ZFAT: variants seen among roughly 807,000 people sequenced by gnomAD.
ZFAT encodes the protein zinc finger and AT-hook domain containing, also known as zinc finger protein ZFAT.
ZFAT carries 64 observed loss-of-function variants against 117.7 expected under a neutral mutation model. The ratio of observed to expected loss-of-function variants is 0.54; its 90% CI spans 0.44 to 0.67. The LOEUF (loss-of-function observed/expected upper bound fraction) is 0.67, where lower values mean the gene tolerates loss of function less well. Among genes scored for constraint, ZFAT ranks in the 30% least tolerant of loss-of-function variants. The probability of loss-of-function intolerance (pLI) is 0.00; values close to 1 mark genes in which losing one functional copy is unlikely to be tolerated. For synonymous variants in ZFAT, 679 were observed against 615.0 expected (o/e 1.10, Z -1.54); for missense variants, 1,433 against 1,584.5 (o/e 0.90, Z 1.62).
chr8:134,771,274 G>A, the ZFAT span, among the ~76,000 whole-genome samples: 2 of 152,150 alleles, frequency 1.3e-5, no homozygotes, highest in Admixed American at 6.5e-5. Flanking sequence ...TCTCAATCTG[G>A]CTGATGCTTA....
the ZFAT span, among the ~76,000 whole-genome samples, chr8:134,740,627 A>T: frequency 2.0e-5 from 3 of 152,158 alleles, no homozygotes; most frequent in Non-Finnish European, 4.4e-5. Flanking sequence ...AGGATAGGTC[A>T]ACCTAGAGAA....
At chr8:134,507,959 G>A (rs1470643725) in intron 15 of ZFAT, among the ~76,000 whole-genome samples, 1 of 152,198 alleles carries the variant, frequency 6.6e-6, no homozygotes, top group Non-Finnish European at 1.5e-5. Context: ...ACAATCTGAA[G>A]ACTGCAATCT....
chr8:134,642,543 C>T (rs536135520), intron 2 of ZFAT, among the ~76,000 whole-genome samples: 3 of 152,304 alleles, frequency 2.0e-5, no homozygotes, highest in Non-Finnish European at 4.4e-5. Context: ...CTATTATCCT[C>T]CCACCTGGTC....
intron 8 of ZFAT, among the ~76,000 whole-genome samples, chr8:134,589,431 A>G (rs1826288712): frequency 6.6e-6 from 1 of 152,256 alleles, no homozygotes; most frequent in Admixed American, 6.5e-5. Context: ...AATACAAAAT[A>G]AAGAACAGGA....
chr8:134,552,773 AAAGT>A (rs1255515111), intron 11 of ZFAT, among the ~76,000 whole-genome samples: 6 of 152,256 alleles, frequency 3.9e-5, no homozygotes, highest in Non-Finnish European at 8.8e-5. Context: ...AAAAGCGTCT[AAAGT>A]AAGAAGGAAG....
the ZFAT span, among the ~76,000 whole-genome samples, chr8:134,770,949 C>A: frequency 3.3e-5 from 3 of 90,434 alleles, no homozygotes; most frequent in African/African-American, 1.7e-4. Flanking sequence ...GATCTCAAAA[C>A]CCTGTCTCCT....
At chr8:134,569,153 G>T (rs1268189918) in intron 10 of ZFAT, among the ~76,000 whole-genome samples, 1 of 152,158 alleles carries the variant, frequency 6.6e-6, no homozygotes, top group Non-Finnish European at 1.5e-5. Flanking sequence ...GGCATGACGT[G>T]TAAAATCTTA....
At chr8:134,484,408 G>C (rs1462864661) in intron 15 of ZFAT, among the ~76,000 whole-genome samples, 1 of 152,234 alleles carries the variant, frequency 6.6e-6, no homozygotes, top group Non-Finnish European at 1.5e-5. Context: ...ATGGACTCCA[G>C]GGCCAGCTGC....
intron 10 of ZFAT, among the ~76,000 whole-genome samples, chr8:134,576,822 T>A (rs1825345256): frequency 6.6e-6 from 1 of 152,224 alleles, no homozygotes; most frequent in Non-Finnish European, 1.5e-5. Flanking sequence ...TCCACTTGTC[T>A]ATTACAAGAG....
At chr8:134,707,692 C>G (rs1834188047) in intron 1 of ZFAT, among the ~76,000 whole-genome samples, 1 of 152,216 alleles carries the variant, frequency 6.6e-6, no homozygotes, top group Non-Finnish European at 1.5e-5. Flanking sequence ...TGGGATGCTG[C>G]CCCTTTCTTA....
chr8:134,518,139 A>G (rs1190170475), intron 13 of ZFAT, among the ~76,000 whole-genome samples: 1 of 152,176 alleles, frequency 6.6e-6, no homozygotes, highest in African/African-American at 2.4e-5. Flanking sequence ...GTATTCTAAT[A>G]GTAACTTTCT....
At chr8:134,549,419 C>T (rs369172905) in intron 11 of ZFAT, among the ~76,000 whole-genome samples, 1 of 139,634 alleles carries the variant, frequency 7.2e-6, no homozygotes, top group Non-Finnish European at 1.5e-5. Flanking sequence ...CCAGCCTGGG[C>T]GACAGAGCGA....
intron 2 of ZFAT, among the ~76,000 whole-genome samples, chr8:134,645,866 A>G (rs977940333): frequency 6.6e-6 from 1 of 152,206 alleles, no homozygotes; most frequent in African/African-American, 2.4e-5. Context: ...AAAATTCTCC[A>G]AAACAGACAA....
chr8:134,512,346 A>C, intron 14 of ZFAT, 129 bp downstream of exon 14: 1 of 1,375,160 alleles, frequency 7.3e-7, no homozygotes, highest in South Asian at 1.4e-5. Context: ...CTGCTTCTGC[A>C]GTCTGAACGC....
chr8:134,772,246 G>C, the ZFAT span, among the ~76,000 whole-genome samples: 1 of 152,236 alleles, frequency 6.6e-6, no homozygotes, highest in African/African-American at 2.4e-5. Flanking sequence ...CAACGAGAAA[G>C]ACATATTGAA....
chr8:134,660,740 C>T (rs527649654), intron 1 of ZFAT, among the ~76,000 whole-genome samples: 21 of 152,296 alleles, frequency 1.4e-4, no homozygotes, highest in Admixed American at 6.5e-4. Flanking sequence ...TTCTGGGGAC[C>T]ACAGGGCTAT....
chr8:134,769,027 C>T, the ZFAT span, among the ~76,000 whole-genome samples: 4 of 152,044 alleles, frequency 2.6e-5, no homozygotes, highest in South Asian at 2.1e-4. Flanking sequence ...CAAAAATTAG[C>T]CAGGTGTGGT....
At chr8:134,533,091 C>T in intron 11 of ZFAT, 119 bp from the exon 12 acceptor site, 2 of 1,419,902 alleles carry the variant, frequency 1.4e-6, no homozygotes, top group South Asian at 1.4e-5. Flanking sequence ...GCCCCATCAC[C>T]TGTGATATGT....
At chr8:134,600,197 TA>T in intron 7 of ZFAT, 6 of 549,768 alleles carry the variant, frequency 1.1e-5, no homozygotes, top group Admixed American at 3.5e-5. Context: ...TATCTGATGC[TA>T]AAAAAATTTG....
Sources: allele counts gnomAD v4.1 joint callset (sites outside exome capture counted in the v4.1 genomes callset), GRCh38; gene constraint gnomAD v4.1.1; transcripts MANE v1.5; gene names NCBI Gene and HGNC (gene_info 2026-07-23, HGNC 2026-07-21).